MAGI1: variants seen among roughly 807,000 people sequenced by gnomAD.
The protein encoded by MAGI1 is membrane associated guanylate kinase, WW and PDZ domain containing 1, also known as membrane-associated guanylate kinase, WW and PDZ domain-containing protein 1.
A neutral mutation model predicts 139.9 loss-of-function variants in MAGI1; 58 were observed. That is an observed-to-expected ratio of 0.41 (90% CI 0.34 to 0.52). MAGI1 has a LOEUF of 0.52. Among genes scored for constraint, MAGI1 ranks in the 20% least tolerant of loss-of-function variants. MAGI1 has a pLI of 0.12. For missense variants in MAGI1, 1,874 were observed against 1,901.6 expected (o/e 0.99, Z 0.27); for synonymous variants, 812 against 737.9 (o/e 1.10, Z -1.63).
intron 1 of MAGI1, among the ~76,000 whole-genome samples, chr3:65,624,214 A>T (rs1414982279): frequency 1.3e-5 from 2 of 152,178 alleles, no homozygotes; most frequent in African/African-American, 4.8e-5. Flanking sequence ...CAATTTGTCA[A>T]TATCTTAGAA....
intron 1 of MAGI1, among the ~76,000 whole-genome samples, chr3:65,673,829 A>G (rs2087010614): frequency 6.6e-6 from 1 of 152,240 alleles, no homozygotes. Flanking sequence ...GGCGTTTCCT[A>G]TTTCACCTAT....
chr3:65,978,659 A>C (rs2065390234), intron 1 of MAGI1, among the ~76,000 whole-genome samples: 4 of 118,774 alleles, frequency 3.4e-5, no homozygotes, highest in Admixed American at 1.1e-4. Flanking sequence ...ATGGAGTTTC[A>C]CTCTTGTTGC....
intron 1 of MAGI1, among the ~76,000 whole-genome samples, chr3:65,644,783 G>A (rs2085167305): frequency 6.6e-6 from 1 of 152,004 alleles, no homozygotes; most frequent in Non-Finnish European, 1.5e-5. Context: ...GGATCACTGA[G>A]GTCAGGAGTT....
chr3:65,590,635 C>T (rs2081926893), intron 2 of MAGI1, among the ~76,000 whole-genome samples: 1 of 152,150 alleles, frequency 6.6e-6, no homozygotes, highest in Admixed American at 6.5e-5. Context: ...TAATTAGCTG[C>T]TTGAACAATG....
chr3:65,783,875 C>T (rs2039156476), intron 1 of MAGI1, among the ~76,000 whole-genome samples: 1 of 151,722 alleles, frequency 6.6e-6, no homozygotes, highest in Admixed American at 6.6e-5. Context: ...GTAATCCCAG[C>T]ACTTTGGGAG....
intron 1 of MAGI1, among the ~76,000 whole-genome samples, chr3:65,849,929 A>G (rs1209190597): frequency 6.6e-6 from 1 of 152,186 alleles, no homozygotes; most frequent in Non-Finnish European, 1.5e-5. Flanking sequence ...TAAACTGCAC[A>G]ATTTCTCTGA....
At chr3:65,617,783 AAAAG>A (rs1334517246) in intron 2 of MAGI1, among the ~76,000 whole-genome samples, 1 of 152,230 alleles carries the variant, frequency 6.6e-6, no homozygotes, top group Non-Finnish European at 1.5e-5. Context: ...TAAAAGAAGA[AAAAG>A]AAAGAATATC....
chr3:65,879,908 C>T (rs2060257621), intron 1 of MAGI1, among the ~76,000 whole-genome samples: 1 of 152,194 alleles, frequency 6.6e-6, no homozygotes, highest in African/African-American at 2.4e-5. Flanking sequence ...TCTCCTCTCC[C>T]CTTGTAGTTC....
At chr3:65,564,306 C>G (rs1431995037) in intron 2 of MAGI1, among the ~76,000 whole-genome samples, 2 of 151,582 alleles carry the variant, frequency 1.3e-5, no homozygotes, top group Admixed American at 6.6e-5. Flanking sequence ...TCTTTCCTTC[C>G]TTTTACAATT....
chr3:65,774,270 A>G (rs1217204243), intron 1 of MAGI1, among the ~76,000 whole-genome samples: 4 of 152,290 alleles, frequency 2.6e-5, no homozygotes, highest in East Asian at 3.9e-4. Flanking sequence ...GGTAGTTATC[A>G]TCTTTGATGT....
At chr3:65,634,203 T>C (rs1384001343) in intron 1 of MAGI1, among the ~76,000 whole-genome samples, 3 of 152,174 alleles carry the variant, frequency 2.0e-5, no homozygotes, top group Non-Finnish European at 4.4e-5. Flanking sequence ...GTCTGTGTTC[T>C]TGACCAGAGA....
intron 10 of MAGI1, among the ~76,000 whole-genome samples, chr3:65,432,067 G>A (rs1947497475): frequency 6.6e-6 from 1 of 152,030 alleles, no homozygotes; most frequent in African/African-American, 2.4e-5. Flanking sequence ...GCTACCTAAG[G>A]TTTTATTGAG....
chr3:65,771,333 C>A (rs264102), intron 1 of MAGI1, among the ~76,000 whole-genome samples: 150,053 of 151,724 alleles, frequency 0.99, 74,216 homozygotes, highest in Middle Eastern at 1. Flanking sequence ...AAAAAGAAGA[C>A]GATTACTCAG....
At chr3:65,844,507 A>C in intron 1 of MAGI1, 1 of 266,524 alleles carries the variant, frequency 3.8e-6, no homozygotes, top group South Asian at 4.3e-5. Flanking sequence ...ACTACAAGCT[A>C]TGTCCTCTTC....
At position 65,881,111 on chromosome 3, in the gene MAGI1, C is replaced by A. The variant is rs2060311538; in HGVS notation, c.313+156885G>T. 3.3e-5 allele frequency among the ~76,000 whole-genome samples: 5 copies of A among 152,002 alleles called. No individual in the cohort carries two copies. In the South Asian group the frequency reaches 1.0e-3, roughly 32 times the overall value. ...ATGTTGCCTAGGCTGGTCTTGAACT[C>A]CTGAGCTCAAGCGATCCACCTGCCT... On this transcript the variant is annotated intron_variant, in intron 1 of 22. Transcript: ENST00000402939.
At chr3:65,785,179 G>A (rs1021836104) in intron 1 of MAGI1, among the ~76,000 whole-genome samples, 8 of 152,072 alleles carry the variant, frequency 5.3e-5, no homozygotes, top group African/African-American at 1.9e-4. Context: ...GTATTCATGA[G>A]TTACTTACTA....
chr3:65,562,341 G>C (rs1173209362), intron 2 of MAGI1, among the ~76,000 whole-genome samples: 2 of 152,146 alleles, frequency 1.3e-5, no homozygotes, highest in Non-Finnish European at 2.9e-5. Flanking sequence ...GTTACAGAAT[G>C]CCACTCATTG....
chr3:65,517,527 A>G (rs960108697), intron 2 of MAGI1, among the ~76,000 whole-genome samples: 9 of 152,218 alleles, frequency 5.9e-5, no homozygotes, highest in African/African-American at 2.2e-4. Flanking sequence ...TTATTCTGCA[A>G]TAGGGGAAAA....
At chr3:65,395,875 C>T (rs929670897) in intron 13 of MAGI1, among the ~76,000 whole-genome samples, 10 of 151,734 alleles carry the variant, frequency 6.6e-5, no homozygotes, top group Non-Finnish European at 4.4e-5. Context: ...AGTTTGGTGT[C>T]GCTACTGGGT....
Sources: allele counts gnomAD v4.1 joint callset (sites outside exome capture counted in the v4.1 genomes callset), GRCh38; gene constraint gnomAD v4.1.1; transcripts MANE v1.5; gene names NCBI Gene and HGNC (gene_info 2026-07-23, HGNC 2026-07-21).